The following MAP3K1 variants were observed in gnomAD, a reference collection of about 807,000 sequenced individuals.
MAP3K1 encodes the protein MAP/ERK kinase kinase 1.
A neutral mutation model predicts 144.2 loss-of-function variants in MAP3K1; 36 were observed. The observed-to-expected ratio is 0.25, with a 90% CI of 0.19 to 0.33. MAP3K1 has a LOEUF of 0.33. MAP3K1 is among the 10% of genes least tolerant of loss of function. The probability of loss-of-function intolerance (pLI) is 1.00; values close to 1 mark genes in which losing one functional copy is unlikely to be tolerated. For synonymous variants in MAP3K1, 718 were observed against 688.7 expected, an observed-to-expected ratio of 1.04 and a Z score of -0.67; for missense variants, 1,650 against 1,881.9, an observed-to-expected ratio of 0.88 and a Z score of 2.28.
In MAP3K1 at chr5:56,881,725, G is replaced by A. The variant is rs1193664003; in HGVS notation, c.2525G>A (p.Ser842Asn). The change falls in exon 14 of 20, where the codon AGT becomes AAT. Residue 842 changes from serine (S) to asparagine (N), a missense_variant. Coordinates refer to ENST00000399503, the MANE Select transcript of MAP3K1 (RefSeq NM_005921.2). ...HVFSKLLEMLSVSSSTHFTRM... is the reference protein window; with the variant it reads ...HVFSKLLEMLNVSSSTHFTRM... The stretch of plus-strand genomic sequence containing the variant: ...TTTTCAAAACTGTTAGAAATGCTGA[G>A]TGTTTCCAGTTCCACTCACTTCACC... 6.2e-7 allele frequency: 1 copy of A among 1,614,128 alleles called. No individual in the cohort carries two copies. Among genetic ancestry groups the A allele is most frequent in the Non-Finnish European group, 8.5e-7 (1 of 1,180,022 alleles).
chr5:56,891,148 ACCCCC>A (rs71926811), intron 19 of MAP3K1, among the ~76,000 whole-genome samples: 9 of 141,584 alleles, frequency 6.4e-5, no homozygotes, highest in Middle Eastern at 3.6e-3. Flanking sequence ...ACACACACAC[ACCCCC>A]CCCCCCCACA....
At chr5:56,856,331 A>C (rs1747343171) in intron 1 of MAP3K1, among the ~76,000 whole-genome samples, 1 of 152,188 alleles carries the variant, frequency 6.6e-6, no homozygotes, top group South Asian at 2.1e-4. Context: ...AAAACAATGC[A>C]GTCTTAGTGA....
intron 3 of MAP3K1, chr5:56,861,933 T>A (rs1421223611): frequency 6.6e-6 from 1 of 152,174 alleles, no homozygotes; most frequent in African/African-American, 2.4e-5. Context: ...GTACATAAAT[T>A]CGTTAAAAAG....
In MAP3K1 at chr5:56,864,816, G is replaced by T. The variant is rs375262853; in HGVS notation, c.917G>T (p.Arg306Leu). 2 of 1,614,054 alleles carry T rather than the reference G, an allele frequency of 1.2e-6. No individual in the cohort carries two copies. The highest frequency in any genetic ancestry group is 1.7e-6 in the Non-Finnish European group (2 of 1,180,012). ...FSPYSPEETNRRVNKVMRARL... is the reference protein window; with the variant it reads ...FSPYSPEETNLRVNKVMRARL... The stretch of plus-strand genomic sequence containing the variant: ...CCATATAGCCCTGAGGAAACAAACC[G>T]CCGTGTTAACAAAGTGATGCGGGCC... The change falls in exon 4 of 20, where the codon CGC becomes CTC. Residue 306 changes from arginine (R) to leucine (L), a missense_variant. Transcript: ENST00000399503.
chr5:56,864,328 T>C (rs1334791533), intron 3 of MAP3K1, among the ~76,000 whole-genome samples: 1 of 152,006 alleles, frequency 6.6e-6, no homozygotes, highest in African/African-American at 2.4e-5. Context: ...TTTTTCAGAC[T>C]ATAATCTGCC....
chr5:56,832,168 A>G (rs957474548), intron 1 of MAP3K1, among the ~76,000 whole-genome samples: 10 of 152,216 alleles, frequency 6.6e-5, no homozygotes, highest in Admixed American at 5.9e-4. Context: ...ATTTGGGAAG[A>G]GCAAATGAGA....
rs1459458563 is a variant in MAP3K1 at position 56,882,821 on chromosome 5, G to A, written c.3621G>A (p.Gln1207=). ...AGGATGCCCTCCCCATAGTTCCTCA[G>A]CTGCAGGTTGAAAATGGAGAAGATA... ...ASQDALPIVP[Q]LQVENGEDII... Residue 1207 remains glutamine, a synonymous_variant, in exon 14 of 20, where the codon CAG becomes CAA. Coordinates refer to ENST00000399503, the MANE Select transcript of MAP3K1 (RefSeq NM_005921.2). The A allele has an allele frequency of 1.2e-6, 2 of 1,612,416 alleles. No homozygotes were observed. Among genetic ancestry groups the A allele is most frequent in the Non-Finnish European group, 1.7e-6 (2 of 1,179,726 alleles).
At position 56,839,103 on chromosome 5, in the gene MAP3K1, C is replaced by T. The variant is rs376960689; in HGVS notation, c.483-17497C>T. On this transcript the variant is annotated intron_variant, in intron 1 of 19. Transcript: ENST00000399503. Reference sequence around the variant, plus strand: ...TGGAGGGATTCCTGAGGTCAAGTTGCGAATCCAAAGGCCTACTTCAGAGTA... The same window carrying T: ...TGGAGGGATTCCTGAGGTCAAGTTGTGAATCCAAAGGCCTACTTCAGAGTA... Among the ~76,000 whole-genome samples, 204 of 152,258 alleles carry T rather than the reference C, an allele frequency of 1.3e-3. 1 individual carries two copies. The highest frequency in any genetic ancestry group is 1.5e-3 in the Non-Finnish European group (100 of 68,010).
intron 1 of MAP3K1, among the ~76,000 whole-genome samples, chr5:56,830,853 C>G (rs1289763834): frequency 1.3e-5 from 2 of 150,866 alleles, no homozygotes; most frequent in African/African-American, 4.9e-5. Context: ...AAATTTTGCC[C>G]AAAGACAGAA....
chr5:56,847,120 T>C (rs532781868), intron 1 of MAP3K1, among the ~76,000 whole-genome samples: 1 of 152,356 alleles, frequency 6.6e-6, no homozygotes, highest in South Asian at 2.1e-4. Context: ...TTGCATTTTA[T>C]CTTTTTCTTA....
In MAP3K1 at chr5:56,883,552, C is replaced by T; in HGVS notation, c.3692C>T (p.Thr1231Ile). Reference protein sequence around the residue: ...QDTPETLPGHTKAKQPYREDT... With the variant: ...QDTPETLPGHIKAKQPYREDT... The stretch of plus-strand genomic sequence containing the variant: ...ACACCAGAGACTCTACCAGGACATA[C>T]CAAAGCAAAACAACCGTATAGAGAA... The change falls in exon 15 of 20, where the codon ACC becomes ATC. Residue 1231 changes from threonine to isoleucine, a missense_variant. By Grantham distance (89) the Thr-to-Ile change is moderately conservative (BLOSUM62 -1). Around this residue, in one of 6 missense-constraint regions of MAP3K1, gnomAD observed 841 missense variants for 886.5 expected, o/e 0.95. Coordinates refer to ENST00000399503, the MANE Select transcript of MAP3K1 (RefSeq NM_005921.2). 6.2e-7 allele frequency: 1 copy of T among 1,613,968 alleles called. No homozygotes were observed. The highest frequency in any genetic ancestry group is 8.5e-7 in the Non-Finnish European group (1 of 1,179,934).
chr5:56,820,487 G>A (rs745835644), intron 1 of MAP3K1: 26 of 985,022 alleles, frequency 2.6e-5, no homozygotes, highest in Non-Finnish European at 3.0e-5. Flanking sequence ...TAATAGGTAT[G>A]TTTCTGTAAC....
rs2111893883 is a variant in MAP3K1, at chr5:56,865,811, G to C, written c.1153-18G>C. 1 of 1,612,708 alleles carries C rather than the reference G, an allele frequency of 6.2e-7. No homozygotes were observed. The highest frequency in any genetic ancestry group is 1.3e-5 in the African/African-American group (1 of 75,008). ...TTATGGCACAAATATCATTGTTACT[G>C]TCTTTTTCCAATGTTAGGTTGAGAG... On this transcript the variant is annotated intron_variant, in intron 5 of 19. Coordinates refer to ENST00000399503, the MANE Select transcript of MAP3K1 (RefSeq NM_005921.2).
chr5:56,863,003 G>A (rs1290361239), intron 3 of MAP3K1, among the ~76,000 whole-genome samples: 1 of 152,120 alleles, frequency 6.6e-6, no homozygotes, highest in Non-Finnish European at 1.5e-5. Flanking sequence ...GGTAGCCTGG[G>A]GTTGTTTCTA....
In MAP3K1 at chr5:56,887,500, A is replaced by G. The variant is rs375628962; in HGVS notation, c.4237A>G (p.Ile1413Val). The change falls in exon 18 of 20, where the codon ATT (isoleucine) becomes GTT (valine). Residue 1413 changes from isoleucine to valine, a missense_variant. Physicochemically the swap from Ile to Val is conservative, Grantham distance 29. Coordinates refer to ENST00000399503, the MANE Select transcript of MAP3K1 (RefSeq NM_005921.2). ...GEFQGQLLGT[I>V]AFMAPEVLRG... ...GTTTCAGGGACAATTACTGGGGACA[A>G]TTGCATTTATGGCACCTGAGGTGAG... 5.3e-5 allele frequency: 85 copies of G among 1,614,062 alleles called. No homozygotes were observed. The highest frequency in any genetic ancestry group is 1.6e-4 in the Middle Eastern group (1 of 6,082).
chr5:56,867,845 GTTTAAA>G (rs1247044980), intron 6 of MAP3K1, among the ~76,000 whole-genome samples: 1 of 152,148 alleles, frequency 6.6e-6, no homozygotes, highest in African/African-American at 2.4e-5. Context: ...AGTAGAAACA[GTTTAAA>G]TATCCAACAG....
chr5:56,866,419 GTGTA>G lies in MAP3K1; in HGVS notation c.1301+454_1301+457del, dbSNP rs201986298. 8.0e-3 allele frequency among the ~76,000 whole-genome samples: 1,222 copies of G among 152,170 alleles called. 12 individuals are homozygous for G. Among genetic ancestry groups the G allele is most frequent in the African/African-American group, 0.027 (1,140 of 41,512 alleles). On this transcript the variant is annotated intron_variant, in intron 6 of 19. Coordinates refer to ENST00000399503, the MANE Select transcript of MAP3K1 (RefSeq NM_005921.2). The stretch of plus-strand genomic sequence containing the variant: ...TGTCTCTTAAAAAATATGTGGGTGT[GTGTA>G]TGTATGTATGTCTGTATGTATGTAT...
chr5:56,872,570 A>G (rs1180174587), intron 7 of MAP3K1, 71 bp from the exon 8 acceptor site: 3 of 886,154 alleles, frequency 3.4e-6, no homozygotes, highest in Non-Finnish European at 5.5e-6. Flanking sequence ...CTATAATTAT[A>G]AACAGTTATG....
intron 1 of MAP3K1, among the ~76,000 whole-genome samples, chr5:56,850,526 CA>C (rs1336625942): frequency 1.3e-5 from 2 of 152,150 alleles, no homozygotes; most frequent in African/African-American, 4.8e-5. Context: ...TAAAAACTTA[CA>C]AAACTTGTTT....
Sources: allele counts gnomAD v4.1 joint callset (sites outside exome capture counted in the v4.1 genomes callset), GRCh38; gene constraint gnomAD v4.1.1; regional missense constraint gnomAD v4.1.1; transcripts MANE v1.5; gene names NCBI Gene and HGNC (gene_info 2026-07-23, HGNC 2026-07-21).